The following BDKRB2 variants were observed in gnomAD, a reference collection of about 807,000 sequenced individuals.
BDKRB2 encodes the protein B2 bradykinin receptor.
Under a neutral mutation model 4.0 loss-of-function variants are expected in BDKRB2, and 6 were observed. The ratio of observed to expected loss-of-function variants is 1.49; its 90% CI spans 0.81 to 2.93. The LOEUF is 2.93. BDKRB2 is among the 30% of genes most tolerant of loss of function. BDKRB2 has a pLI of 0.00. For missense variants in BDKRB2, 478 were observed against 520.1 expected (o/e 0.92, Z 0.79); for synonymous variants, 225 against 215.3 (o/e 1.05, Z -0.40).
Position 96,212,669 on chromosome 14 carries a change from G to T in BDKRB2, c.-40+7710G>T, listed in dbSNP as rs531015838. On this transcript the variant is annotated intron_variant, in intron 1 of 2. Coordinates refer to ENST00000554311, the MANE Select transcript of BDKRB2 (RefSeq NM_001379692.1). ...TGGTAAAGAGTAGCCTGCAGCCAAA[G>T]TTGGGCACAGCAGTGCAGTCTTCAC... 5.3e-5 allele frequency among the ~76,000 whole-genome samples: 8 copies of T among 152,342 alleles called. No homozygotes were observed. The South Asian group carries it at 1.0e-3, about 20-fold the overall frequency.
intron 1 of BDKRB2, among the ~76,000 whole-genome samples, chr14:96,231,334 T>A (rs61982611): frequency 0.2 from 30,606 of 152,176 alleles, 3,763 homozygotes; most frequent in South Asian, 0.28. Flanking sequence ...CTTTGGGAGT[T>A]CTGAGAATGG....
At chr14:96,229,264 T>C (rs1890765163) in intron 1 of BDKRB2, among the ~76,000 whole-genome samples, 1 of 152,114 alleles carries the variant, frequency 6.6e-6, no homozygotes, top group Non-Finnish European at 1.5e-5. Flanking sequence ...GAGAACCTTC[T>C]GCTTGCAGGG....
rs1008554028 is a variant in BDKRB2, at chr14:96,240,252, T to C, written c.75-151T>C. The C allele has an allele frequency of 2.2e-5, 29 of 1,328,564 alleles. No homozygotes were observed. The South Asian group carries it at 8.2e-4, about 37-fold the overall frequency. 82.3% of individuals were successfully genotyped at this position (1,328,564 alleles called of 1,614,324 possible). On this transcript the variant is annotated intron_variant, in intron 2 of 2. Transcript: ENST00000554311. ...TAAGACCCAGGGGAGTCAGGTGCACTGGAGCGCGGGCTGCAGAAAACAGCC... is the reference window on the plus strand; with the variant it reads ...TAAGACCCAGGGGAGTCAGGTGCACCGGAGCGCGGGCTGCAGAAAACAGCC...
intron 1 of BDKRB2, among the ~76,000 whole-genome samples, chr14:96,227,614 CACAA>C (rs1283457702): frequency 6.6e-6 from 1 of 152,050 alleles, no homozygotes; most frequent in Non-Finnish European, 1.5e-5. Flanking sequence ...TGCATGCACA[CACAA>C]ACACACACAC....
In BDKRB2 at chr14:96,204,934, T is replaced by C. The variant is rs1595242282; in HGVS notation, c.-65T>C. ...CCGCAGTACCAGGGAGCGACTGAAG[T>C]GCCCATGCCGCTTGCTCCGGAGAAG... On this transcript the variant is annotated 5_prime_UTR_variant, in exon 1 of 3. Coordinates refer to ENST00000554311, the MANE Select transcript of BDKRB2 (RefSeq NM_001379692.1). 3.6e-6 allele frequency: 1 copy of C among 280,036 alleles called. No individual in the cohort carries two copies. The allele number at this position is 280,036 out of a possible 1,614,324, so 17.3% of individuals were successfully genotyped here.
At chr14:96,208,170 A>G (rs936638384) in intron 1 of BDKRB2, among the ~76,000 whole-genome samples, 1 of 152,152 alleles carries the variant, frequency 6.6e-6, no homozygotes, top group African/African-American at 2.4e-5. Flanking sequence ...CCCCTTGAAA[A>G]GTGTTAAATC....
chr14:96,233,391 AG>A (rs1890864298), intron 1 of BDKRB2: 1 of 145,212 alleles, frequency 6.9e-6, no homozygotes, highest in Non-Finnish European at 1.5e-5. Context: ...TGGTGGGACC[AG>A]GGGGCACGAG....
intron 1 of BDKRB2, among the ~76,000 whole-genome samples, chr14:96,218,112 C>G (rs1389613828): frequency 6.6e-6 from 1 of 152,096 alleles, no homozygotes; most frequent in Non-Finnish European, 1.5e-5. Flanking sequence ...ATGGCATGAG[C>G]TGTCGAGTGC....
At chr14:96,223,021 C>G in intron 1 of BDKRB2, 2 of 675,456 alleles carry the variant, frequency 3.0e-6, no homozygotes, top group South Asian at 3.5e-5. Context: ...GAAGAAAAGA[C>G]AGTAAGAAAT....
chr14:96,212,760 C>T (rs1250064304), intron 1 of BDKRB2, among the ~76,000 whole-genome samples: 2 of 152,200 alleles, frequency 1.3e-5, no homozygotes, highest in Non-Finnish European at 2.9e-5. Flanking sequence ...CCAGAAAGGT[C>T]TCCTTTCTAC....
chr14:96,238,295 T>C (rs1012945943), intron 2 of BDKRB2: 1 of 457,654 alleles, frequency 2.2e-6, no homozygotes, highest in Non-Finnish European at 2.9e-6. Context: ...AAGTAAGCAA[T>C]GCAAAAGGCC....
In BDKRB2 at chr14:96,243,316, G is replaced by A. The variant is rs199688381; in HGVS notation, c.*1812G>A. ...GAACCTGGAGGGCTAGAACCTGGAG[G>A]GCTAGAACCTAGAAGGGCTAGAACC... On this transcript the variant is annotated 3_prime_UTR_variant, in exon 3 of 3. Coordinates refer to ENST00000554311, the MANE Select transcript of BDKRB2 (RefSeq NM_001379692.1). The A allele has an allele frequency of 8.2e-6, 1 of 121,602 alleles. No homozygotes were observed. The highest frequency in any genetic ancestry group is 1.9e-5 in the Non-Finnish European group (1 of 52,964). 7.5% of individuals were successfully genotyped at this position (121,602 alleles called of 1,614,324 possible). A position where few individuals can be genotyped will look rare whatever the true frequency, so the allele number is the denominator to read the frequency against.
intron 1 of BDKRB2, among the ~76,000 whole-genome samples, chr14:96,206,753 G>A (rs953452047): frequency 4.6e-5 from 7 of 152,112 alleles, no homozygotes; most frequent in East Asian, 3.9e-4. Context: ...CCACCTGGGC[G>A]CGGTGGGGGG....
At position 96,241,457 on chromosome 14, in the gene BDKRB2, G is replaced by A; in HGVS notation, c.1129G>A (p.Glu377Lys). Residue 377 changes from glutamate to lysine, a missense_variant, in exon 3 of 3, where the codon GAA (glutamate) becomes AAA (lysine). Physicochemically the swap from Glu to Lys is moderately conservative, Grantham distance 56. Transcript: ENST00000554311. ...CACACTGCGGACCTCCATCTCCGTG[G>A]AACGCCAGATTCACAAACTGCAGGA... is the stretch of plus-strand genomic sequence containing the variant. ...MGTLRTSISVERQIHKLQDWA... is the reference protein window; with the variant it reads ...MGTLRTSISVKRQIHKLQDWA... The A allele has an allele frequency of 6.3e-7, 1 of 1,579,002 alleles. No individual in the cohort carries two copies. Among genetic ancestry groups the A allele is most frequent in the Non-Finnish European group, 8.6e-7 (1 of 1,169,160 alleles).
At chr14:96,223,218 G>C (rs1272089527) in intron 1 of BDKRB2, 125 of 1,109,858 alleles carry the variant, frequency 1.1e-4, no homozygotes, top group Non-Finnish European at 1.7e-4. Flanking sequence ...AAACCCATTT[G>C]ATGTCTGAAT....
chr14:96,225,758 C>T (rs953844544), intron 1 of BDKRB2, among the ~76,000 whole-genome samples: 2 of 152,210 alleles, frequency 1.3e-5, no homozygotes, highest in African/African-American at 4.8e-5. Context: ...TTCTCTGTGA[C>T]CTACCAGTTA....
At chr14:96,232,299 A>T (rs1389174739) in intron 1 of BDKRB2, among the ~76,000 whole-genome samples, 4 of 152,238 alleles carry the variant, frequency 2.6e-5, no homozygotes, top group Non-Finnish European at 5.9e-5. Context: ...CAATGAGGTT[A>T]AATAACGAGC....
At chr14:96,229,672 G>A (rs1182456777) in intron 1 of BDKRB2, among the ~76,000 whole-genome samples, 1 of 152,088 alleles carries the variant, frequency 6.6e-6, no homozygotes, top group African/African-American at 2.4e-5. Context: ...ACCTAGAGGC[G>A]GCCACGGAGG....
At chr14:96,239,670 T>C (rs1226288517) in intron 2 of BDKRB2, 10 of 940,382 alleles carry the variant, frequency 1.1e-5, no homozygotes, top group Non-Finnish European at 1.1e-5. Context: ...CCCTGAGAGG[T>C]AGTTTTTTTA....
Sources: allele counts gnomAD v4.1 joint callset (sites outside exome capture counted in the v4.1 genomes callset), GRCh38; gene constraint gnomAD v4.1.1; transcripts MANE v1.5; gene names NCBI Gene and HGNC (gene_info 2026-07-23, HGNC 2026-07-21).